The following NBN variants were observed in gnomAD, a reference collection of about 807,000 sequenced individuals.
NBN encodes Nijmegen breakage syndrome 1 (nibrin).
NBN carries 88 observed loss-of-function variants against 90.8 expected under a neutral mutation model. That is an observed-to-expected ratio of 0.97 (90% CI 0.82 to 1.16). The LOEUF is 1.16. NBN is among the 50% of genes most tolerant of loss of function. NBN has a pLI of 0.00. For missense variants in NBN, 894 were observed against 869.6 expected, an observed-to-expected ratio of 1.03 and a Z score of -0.35; for synonymous variants, 328 against 295.1, an observed-to-expected ratio of 1.11 and a Z score of -1.14.
chr8:89,940,353 G>A (rs1460979227), intron 14 of NBN, among the ~76,000 whole-genome samples: 1 of 151,964 alleles, frequency 6.6e-6, no homozygotes, highest in Non-Finnish European at 1.5e-5. Context: ...TTAACTCCCG[G>A]GTTCAAGTGA....
rs566630862 is a variant in NBN, at chr8:89,980,755, T to G, written c.459A>C (p.Val153=). 12 of 1,613,032 alleles carry G rather than the reference T, an allele frequency of 7.4e-6. No homozygotes were observed. Among genetic ancestry groups the G allele is most frequent in the African/African-American group, 5.3e-5 (4 of 75,006 alleles). ...CTACTTTAATGGTAACTTTCACTGATACCATGACAAGGTGAGTGCATTCTT... is the reference window on the plus strand; with the variant it reads ...CTACTTTAATGGTAACTTTCACTGAGACCATGACAAGGTGAGTGCATTCTT... The part of the protein sequence containing the change: ...WTEECTHLVM[V]SVKVTIKTIC... The change falls in exon 4 of 16, where the codon GTA becomes GTC. Residue 153 remains valine (V), a synonymous_variant. Coordinates refer to ENST00000265433, the MANE Select transcript of NBN (RefSeq NM_002485.5).
chr8:89,950,065 G>A (rs1273297832), intron 11 of NBN, among the ~76,000 whole-genome samples: 5 of 152,210 alleles, frequency 3.3e-5, no homozygotes, highest in Admixed American at 2.0e-4. Context: ...AGGGTTCGCT[G>A]CATGTGGACA....
chr8:89,983,892 A>G (rs1812195611), intron 1 of NBN, among the ~76,000 whole-genome samples: 1 of 152,114 alleles, frequency 6.6e-6, no homozygotes, highest in African/African-American at 2.4e-5. Context: ...CAGTCCATTT[A>G]GTCTCTACAT....
rs578144079 is a variant in NBN at position 89,969,095 on chromosome 8, C to A, written c.896+1269G>T. On this transcript the variant is annotated intron_variant, in intron 7 of 15. Transcript: ENST00000265433. ...GGAAGAATGAATCTTTGGTAGGAAG[C>A]TGGCTGTGGACTTTTCAGGCATATA... Among the ~76,000 whole-genome samples the A allele has an allele frequency of 1.2e-3, 188 of 152,324 alleles. 1 individual carries two copies. The highest frequency in any genetic ancestry group is 4.5e-3 in the African/African-American group (185 of 41,568).
intron 3 of NBN, 136 bp from the exon 4 acceptor site, chr8:89,981,029 T>C (rs1028051232): frequency 1.3e-6 from 1 of 786,978 alleles, no homozygotes; most frequent in Non-Finnish European, 2.0e-6. Context: ...TTGTAACCTA[T>C]GAAATTATCA....
intron 3 of NBN, 122 bp from the exon 4 acceptor site, chr8:89,981,015 C>T (rs1486281114): frequency 2.4e-6 from 2 of 837,170 alleles, no homozygotes; most frequent in East Asian, 2.7e-5. Context: ...TTTATTGTTA[C>T]CCTTTGTAAC....
intron 5 of NBN, 156 bp from the exon 6 acceptor site, chr8:89,971,446 A>G (rs879933546): frequency 6.8e-5 from 36 of 525,716 alleles, no homozygotes; most frequent in Non-Finnish European, 8.5e-5. Context: ...CAAAATGACA[A>G]AAAGCATCTA....
chr8:89,958,943 G>T, intron 8 of NBN, 89 bp from the exon 9 acceptor site: 1 of 1,510,930 alleles, frequency 6.6e-7, no homozygotes, highest in Non-Finnish European at 9.1e-7. Context: ...ACTATACCAT[G>T]CTGAGGGGAT....
chr8:89,954,813 G>A (rs1280983890), intron 10 of NBN, among the ~76,000 whole-genome samples: 1 of 152,100 alleles, frequency 6.6e-6, no homozygotes, highest in African/African-American at 2.4e-5. Context: ...AAGAAAAAAG[G>A]CAGCAGTAGC....
At chr8:89,946,631 C>A in intron 12 of NBN, 2 of 266,478 alleles carry the variant, frequency 7.5e-6, no homozygotes, top group Non-Finnish European at 1.5e-5. Flanking sequence ...CTTATTGACA[C>A]AAAATCTCAG....
Position 89,978,285 on chromosome 8 carries a change from C to G in NBN, c.519G>C (p.Lys173Asn). Residue 173 changes from lysine (K) to asparagine (N), a missense_variant, in exon 5 of 16, where the codon AAG becomes AAC. Coordinates refer to ENST00000265433, the MANE Select transcript of NBN (RefSeq NM_002485.5). The stretch of plus-strand genomic sequence containing the variant: ...TCAGGAATTCAGTAAAATATTCTGG[C>G]TTTACAATTGGACGTCCACAAATGA... ...CALICGRPIV[K>N]PEYFTEFLKA... 1 of 1,598,976 alleles carries G rather than the reference C, an allele frequency of 6.3e-7. No homozygotes were observed. Among genetic ancestry groups the G allele is most frequent in the Non-Finnish European group, 8.6e-7 (1 of 1,166,460 alleles).
chr8:89,981,005 TTTA>T, intron 3 of NBN, 112 bp from the exon 4 acceptor site: 2 of 940,092 alleles, frequency 2.1e-6, no homozygotes, highest in East Asian at 2.6e-5. Context: ...GTAACTTTTA[TTTA>T]TTGTTACCCT....
At position 89,960,644 on chromosome 8, in the gene NBN, T is replaced by G. The variant is rs117182481; in HGVS notation, c.995-1790A>C. 6.0e-3 allele frequency among the ~76,000 whole-genome samples: 910 copies of G among 152,006 alleles called. 6 individuals carry two copies. The highest frequency in any genetic ancestry group is 0.014 in the Middle Eastern group (4 of 294). ...CCAGCCTGGGTGACAGAGCAAGACT[T>G]TATGAAATAATAATAATAATAATAA... On this transcript the variant is annotated intron_variant, in intron 8 of 15. Coordinates refer to ENST00000265433, the MANE Select transcript of NBN (RefSeq NM_002485.5).
rs587780555 is a variant in NBN at position 89,953,700 on chromosome 8, T to TA, written c.1398-10dup. The TA allele has an allele frequency of 4.8e-4, 757 of 1,580,906 alleles. 3 individuals are homozygous for TA. The Middle Eastern group carries it at 9.4e-3, about 20-fold the overall frequency. Reference sequence around the variant, plus strand: ...TTTCTTCATCCCTTTCCCTTAGATTTAAAAAAAAAGAAGAAAACAAAACAA... The same window carrying TA: ...TTTCTTCATCCCTTTCCCTTAGATTTAAAAAAAAAAGAAGAAAACAAAACAA... On this transcript the variant is annotated splice_polypyrimidine_tract_variant and intron_variant, in intron 10 of 15. Coordinates refer to ENST00000265433, the MANE Select transcript of NBN (RefSeq NM_002485.5).
intron 9 of NBN, among the ~76,000 whole-genome samples, chr8:89,958,315 T>C (rs192749087): frequency 8.3e-4 from 127 of 152,342 alleles, no homozygotes; most frequent in African/African-American, 2.8e-3. Flanking sequence ...GGGCTATCTA[T>C]ACTATACAGT....
rs776134250 is a variant in NBN, at chr8:89,978,298, C to T, written c.506G>A (p.Arg169His). The T allele has an allele frequency of 2.3e-5, 37 of 1,590,800 alleles. No homozygotes were observed. Among genetic ancestry groups the T allele is most frequent in the South Asian group, 3.3e-5 (3 of 90,564 alleles). ...AAAATATTCTGGCTTTACAATTGGA[C>T]GTCCACAAATGAGTGCACATATTGT... ...IKTICALICG[R>H]PIVKPEYFTE... Residue 169 changes from arginine (R) to histidine (H), a missense_variant, in exon 5 of 16, where the codon CGT becomes CAT. Coordinates refer to ENST00000265433, the MANE Select transcript of NBN (RefSeq NM_002485.5).
At position 89,982,793 on chromosome 8, in the gene NBN, G is replaced by A; in HGVS notation, c.100C>T (p.Leu34=). 6.2e-7 allele frequency: 1 copy of A among 1,613,832 alleles called. No individual in the cohort carries two copies. Among genetic ancestry groups the A allele is most frequent in the Non-Finnish European group, 8.5e-7 (1 of 1,179,786 alleles). ...CTGATCGACTGATCATTTTCAATCA[G>A]AATGGCACAGTTTTTCCTTCCAACA... ...YVVGRKNCAI[L]IENDQSISRN... Residue 34 remains leucine (L), a synonymous_variant, in exon 2 of 16, where the codon CTG becomes TTG. Coordinates refer to ENST00000265433, the MANE Select transcript of NBN (RefSeq NM_002485.5).
rs750981708 is a variant in NBN, at chr8:89,953,530, T to C, written c.1559A>G (p.Asn520Ser). 3 of 1,613,736 alleles carry C rather than the reference T, an allele frequency of 1.9e-6. No individual in the cohort carries two copies. Among genetic ancestry groups the C allele is most frequent in the Non-Finnish European group, 2.5e-6 (3 of 1,179,840 alleles). Residue 520 changes from asparagine (N) to serine (S), a missense_variant, in exon 11 of 16, where the codon AAT becomes AGT. Physicochemically the swap from Asn to Ser is conservative, Grantham distance 46. Transcript: ENST00000265433. The part of the protein sequence containing the change: ...ENEPVDTNSD[N>S]NLFTDTDLKS... ...TAAATCTGTATCTGTAAATAAGTTATTGTCTGAGTTTGTGTCCACAGGCTC... is the reference window on the plus strand; with the variant it reads ...TAAATCTGTATCTGTAAATAAGTTACTGTCTGAGTTTGTGTCCACAGGCTC...
chr8:89,968,541 TTAAATGTTTATAC>T (rs1217844673), intron 7 of NBN, among the ~76,000 whole-genome samples: 2 of 152,176 alleles, frequency 1.3e-5, no homozygotes, highest in Non-Finnish European at 2.9e-5. Context: ...AGGTTGAGGA[TTAAATGTTTATAC>T]ATACATAAAT....
Sources: gnomAD v4.1 joint callset for allele counts (sites outside exome capture counted in the v4.1 genomes callset) on GRCh38, gnomAD v4.1.1 for gene constraint, MANE v1.5 for transcripts, NCBI Gene and HGNC (gene_info 2026-07-23, HGNC 2026-07-21) for gene names.